ARHGAP21: variants seen among roughly 807,000 people sequenced by gnomAD.
The protein encoded by ARHGAP21 is rho GTPase-activating protein 21.
Under a neutral mutation model 164.6 loss-of-function variants are expected in ARHGAP21, and 38 were observed. The observed-to-expected ratio is 0.23, with a 90% CI of 0.18 to 0.30. The LOEUF (loss-of-function observed/expected upper bound fraction) is 0.30, where lower values mean the gene tolerates loss of function less well. ARHGAP21 is among the 10% of genes least tolerant of loss of function. The pLI is 1.00. For synonymous variants in ARHGAP21, 766 were observed against 857.9 expected (o/e 0.89, Z 1.87); for missense variants, 1,822 against 2,370.7 (o/e 0.77, Z 4.81).
Position 24,722,238 on chromosome 10 carries a change from G to A in ARHGAP21, c.-339C>T. 1 of 359,640 alleles carries A rather than the reference G, an allele frequency of 2.8e-6. No individual in the cohort carries two copies. Among genetic ancestry groups the A allele is most frequent in the South Asian group, 2.8e-5 (1 of 36,058 alleles). 22.3% of individuals were successfully genotyped at this position (359,640 alleles called of 1,614,324 possible). Reference sequence around the variant, plus strand: ...CCACTCCTGAGTCCTGGAAAAATCCGAATGGGTCGTGAAGGTTCGAGTGTC... The same window carrying A: ...CCACTCCTGAGTCCTGGAAAAATCCAAATGGGTCGTGAAGGTTCGAGTGTC... On this transcript the variant is annotated 5_prime_UTR_variant, in exon 2 of 26. Coordinates refer to ENST00000396432, the MANE Select transcript of ARHGAP21 (RefSeq NM_020824.4).
chr10:24,676,426 T>A (rs931654812), intron 2 of ARHGAP21, among the ~76,000 whole-genome samples: 3 of 152,214 alleles, frequency 2.0e-5, no homozygotes, highest in Admixed American at 6.5e-5. Context: ...ATTTCCAGTT[T>A]AGCATTGTGG....
At chr10:24,679,184 A>G (rs1841541554) in intron 2 of ARHGAP21, among the ~76,000 whole-genome samples, 1 of 152,222 alleles carries the variant, frequency 6.6e-6, no homozygotes. Context: ...CTATAACAAA[A>G]TATCATAGGC....
intron 6 of ARHGAP21, among the ~76,000 whole-genome samples, chr10:24,633,072 C>G (rs1032389401): frequency 7.2e-5 from 11 of 152,138 alleles, no homozygotes; most frequent in African/African-American, 2.7e-4. Flanking sequence ...TTAAAATAAA[C>G]TATATATGCA....
In ARHGAP21 at chr10:24,585,033, G is replaced by C. The variant is rs774601648; in HGVS notation, c.5256C>G (p.Gly1752=). ...ATGTGGGTTCCTGTTTTTCGGATTC[G>C]CCTCTGGTGGGTGTCAGTAAACTCC... is the stretch of plus-strand genomic sequence containing the variant. The part of the protein sequence containing the change: ...STGSLLTPTR[G]ESEKQEPTWK... Residue 1752 remains glycine (G), a synonymous_variant, in exon 26 of 26, where the codon GGC becomes GGG. Transcript: ENST00000396432. 1 of 1,613,698 alleles carries C rather than the reference G, an allele frequency of 6.2e-7. No individual in the cohort carries two copies. The highest frequency in any genetic ancestry group is 8.5e-7 in the Non-Finnish European group (1 of 1,179,860).
At chr10:24,623,727 A>G (rs1224467595) in intron 7 of ARHGAP21, among the ~76,000 whole-genome samples, 9 of 152,234 alleles carry the variant, frequency 5.9e-5, no homozygotes, top group Non-Finnish European at 1.2e-4. Flanking sequence ...CCCTATGGTC[A>G]ATGATGTAGG....
At chr10:24,586,385 ATTC>A (rs1160588401) in intron 25 of ARHGAP21, among the ~76,000 whole-genome samples, 18 of 152,312 alleles carry the variant, frequency 1.2e-4, no homozygotes, top group African/African-American at 4.3e-4. Flanking sequence ...CTTAGTGCTG[ATTC>A]CTATCAAAAT....
chr10:24,642,398 C>T (rs568217320), intron 4 of ARHGAP21, among the ~76,000 whole-genome samples: 1 of 151,394 alleles, frequency 6.6e-6, no homozygotes, highest in Non-Finnish European at 1.5e-5. Context: ...GCCTGTAGTC[C>T]CAGCTACTCG....
In ARHGAP21 at chr10:24,648,702, C is replaced by T. The variant is rs113163271; in HGVS notation, c.269-13599G>A. 3.7e-3 allele frequency: 2,504 copies of T among 676,496 alleles called. 53 individuals are homozygous for T. The African/African-American group carries it at 0.044, about 12-fold the overall frequency. 41.9% of individuals were successfully genotyped at this position (676,496 alleles called of 1,614,324 possible). On this transcript the variant is annotated intron_variant, in intron 4 of 25. Transcript: ENST00000396432. ...GGCTGAGGCAGGAGAATTGCTTGAA[C>T]CCAGAGGCGCAGGCTGCAGTGAGCC...
chr10:24,646,226 A>G (rs943199144), intron 4 of ARHGAP21, among the ~76,000 whole-genome samples: 4 of 152,330 alleles, frequency 2.6e-5, no homozygotes, highest in African/African-American at 9.6e-5. Flanking sequence ...TTTATGAATC[A>G]CGTACTTTCA....
In ARHGAP21 at chr10:24,585,634, G is replaced by T; in HGVS notation, c.4655C>A (p.Thr1552Lys). Residue 1552 changes from threonine (T) to lysine (K), a missense_variant, in exon 26 of 26, where the codon ACG becomes AAG. Transcript: ENST00000396432. The part of the protein sequence containing the change: ...TGSDSGTLLS[T>K]SSQASLARFS... ...CCTTGCCAGGGAGGCCTGGGAAGAC[G>T]TGCTGAGCAAAGTGCCAGAGTCAGA... is the stretch of plus-strand genomic sequence containing the variant. 1.2e-6 allele frequency: 2 copies of T among 1,614,182 alleles called. No individual in the cohort carries two copies. Among genetic ancestry groups the T allele is most frequent in the Non-Finnish European group, 1.7e-6 (2 of 1,180,034 alleles).
At chr10:24,667,060 T>C (rs1593227710) in intron 3 of ARHGAP21, 51 bp from the exon 4 acceptor site, 10 of 1,040,934 alleles carry the variant, frequency 9.6e-6, no homozygotes, top group Non-Finnish European at 1.2e-5. Flanking sequence ...TTATAAACTC[T>C]TGTTAATCAC....
At chr10:24,690,060 T>A (rs1401019172) in intron 2 of ARHGAP21, among the ~76,000 whole-genome samples, 1 of 151,924 alleles carries the variant, frequency 6.6e-6, no homozygotes, top group Non-Finnish European at 1.5e-5. Flanking sequence ...CCATATCAAT[T>A]ACATATACCT....
chr10:24,619,581 A>G lies in ARHGAP21; in HGVS notation c.2314T>C (p.Trp772Arg), dbSNP rs373944710. 2.0e-5 allele frequency: 33 copies of G among 1,614,086 alleles called. No homozygotes were observed. The highest frequency in any genetic ancestry group is 2.5e-5 in the Non-Finnish European group (30 of 1,180,050). The change falls in exon 9 of 26, where the codon TGG becomes CGG. Residue 772 changes from tryptophan to arginine, a missense_variant. This residue lies in a region of ARHGAP21 where 1,090 missense variants were observed against 1,378.9 expected (regional missense o/e 0.79). Transcript: ENST00000396432. Reference protein sequence around the residue: ...DQETGSDTTCWLPNDARREVH... With the variant: ...DQETGSDTTCRLPNDARREVH... ...TCTCGACGTGCATCATTGGGCAGCC[A>G]GCAGGTAGTGTCTGACCCGGTCTCC...
intron 4 of ARHGAP21, among the ~76,000 whole-genome samples, chr10:24,644,856 T>C (rs1837404218): frequency 6.6e-6 from 1 of 152,196 alleles, no homozygotes; most frequent in South Asian, 2.1e-4. Flanking sequence ...TTATAACATA[T>C]AAAATGACTG....
chr10:24,596,758 T>G lies in ARHGAP21; in HGVS notation c.3459A>C (p.Pro1153=), dbSNP rs759336865. 4 of 1,613,250 alleles carry G rather than the reference T, an allele frequency of 2.5e-6. No individual in the cohort carries two copies. The highest frequency in any genetic ancestry group is 1.1e-5 in the South Asian group (1 of 90,820). The change falls in exon 17 of 26, where the codon CCA becomes CCC. Residue 1153 remains proline (P), a synonymous_variant. Coordinates refer to ENST00000396432, the MANE Select transcript of ARHGAP21 (RefSeq NM_020824.4). ...GTFGVRLDDC[P]PAHTNRYIPL... ...CTCCTACCCGATTAGTATGAGCTGG[T>G]GGGCAGTCATCTAGTCGGACGCCGA...
intron 2 of ARHGAP21, among the ~76,000 whole-genome samples, chr10:24,708,855 G>A (rs571092226): frequency 1.2e-4 from 19 of 152,270 alleles, no homozygotes; most frequent in Non-Finnish European, 2.2e-4. Context: ...GGACACTTAG[G>A]TTGATTCCAT....
At chr10:24,653,136 C>A (rs1838373105) in intron 4 of ARHGAP21, among the ~76,000 whole-genome samples, 3 of 152,156 alleles carry the variant, frequency 2.0e-5, no homozygotes, top group Admixed American at 6.5e-5. Context: ...TAAGTTTAGA[C>A]AACTGCATAC....
At chr10:24,613,852 G>A (rs930513684) in intron 9 of ARHGAP21, among the ~76,000 whole-genome samples, 2 of 152,102 alleles carry the variant, frequency 1.3e-5, no homozygotes, top group Non-Finnish European at 2.9e-5. Context: ...CAAGTGGAAG[G>A]ATCACTTCTA....
intron 2 of ARHGAP21, among the ~76,000 whole-genome samples, chr10:24,718,159 G>C (rs563992477): frequency 6.6e-6 from 1 of 151,750 alleles, no homozygotes; most frequent in Non-Finnish European, 1.5e-5. Context: ...TATGAGGAAT[G>C]ACGAGACGGA....
Sources: allele counts gnomAD v4.1 joint callset (sites outside exome capture counted in the v4.1 genomes callset), GRCh38; gene constraint gnomAD v4.1.1; regional missense constraint gnomAD v4.1.1; transcripts MANE v1.5; gene names NCBI Gene and HGNC (gene_info 2026-07-23, HGNC 2026-07-21).